ATP11A: variants seen among roughly 807,000 people sequenced by gnomAD.
ATP11A encodes ATPase phospholipid transporting 11A, also known as phospholipid-transporting ATPase IH.
In ATP11A, 81 loss-of-function variants were observed where a neutral mutation model predicts 154.4. The ratio of observed to expected loss-of-function variants is 0.52; its 90% CI spans 0.44 to 0.63. The LOEUF is 0.63. ATP11A is among the 30% of genes least tolerant of loss of function. The pLI, the probability that ATP11A is intolerant of heterozygous loss-of-function variation, is 0.00. For missense variants in ATP11A, 1,316 were observed against 1,474.3 expected, an observed-to-expected ratio of 0.89 and a Z score of 1.76; for synonymous variants, 623 against 585.9, an observed-to-expected ratio of 1.06 and a Z score of -0.91.
chr13:112,808,046 G>A (rs75214066), intron 4 of ATP11A, among the ~76,000 whole-genome samples: 10,406 of 152,182 alleles, frequency 0.068, 598 homozygotes, highest in African/African-American at 0.15. Context: ...AGAGCGTGGA[G>A]TAGGGAGGGC....
intron 1 of ATP11A, among the ~76,000 whole-genome samples, chr13:112,764,470 C>A (rs943193232): frequency 6.6e-6 from 1 of 152,174 alleles, no homozygotes; most frequent in Non-Finnish European, 1.5e-5. Context: ...TAGAAGACCT[C>A]CTGATGATGA....
chr13:112,764,072 TG>T (rs527463552), intron 1 of ATP11A, among the ~76,000 whole-genome samples: 253 of 152,356 alleles, frequency 1.7e-3, no homozygotes, highest in Admixed American at 3.9e-3. Flanking sequence ...ATGTTTTGTT[TG>T]GAGTGTTACC....
intron 17 of ATP11A, among the ~76,000 whole-genome samples, chr13:112,842,691 C>T (rs1476633134): frequency 2.6e-5 from 4 of 152,228 alleles, no homozygotes; most frequent in African/African-American, 9.6e-5. Flanking sequence ...AGAATTAGCA[C>T]GTTTGTGGTT....
chr13:112,752,462 T>TACCCCTGTGCCTGGTGGGC (rs2076716937), intron 1 of ATP11A, among the ~76,000 whole-genome samples: 1 of 151,852 alleles, frequency 6.6e-6, no homozygotes, highest in South Asian at 2.1e-4. Context: ...GTGGAGCGGG[T>TACCCCTGTGCCTGGTGGGC]ACCCCTGTGC....
chr13:112,832,324 T>C (rs2079117047), intron 13 of ATP11A, among the ~76,000 whole-genome samples: 1 of 152,238 alleles, frequency 6.6e-6, no homozygotes, highest in Non-Finnish European at 1.5e-5. Context: ...AAACGCTGAT[T>C]CTGCAGCTGC....
intron 2 of ATP11A, among the ~76,000 whole-genome samples, chr13:112,796,460 G>A (rs975581177): frequency 1.3e-5 from 2 of 152,330 alleles, no homozygotes; most frequent in Non-Finnish European, 2.9e-5. Flanking sequence ...CAGACTGTCC[G>A]AGCTACGACT....
chr13:112,765,746 G>A (rs749920484), intron 1 of ATP11A, among the ~76,000 whole-genome samples: 2 of 152,356 alleles, frequency 1.3e-5, no homozygotes, highest in Admixed American at 6.5e-5. Context: ...CTCTGAGAAC[G>A]AAAGCTCTGA....
intron 28 of ATP11A, 79 bp from the exon 29 acceptor site, chr13:112,878,138 G>C: frequency 7.5e-7 from 1 of 1,334,176 alleles, no homozygotes; most frequent in African/African-American, 1.4e-5. Context: ...ATTTCCTTCC[G>C]TCTTCCGACC....
intron 1 of ATP11A, chr13:112,703,273 T>G (rs1194392075): frequency 6.6e-6 from 1 of 152,210 alleles, no homozygotes; most frequent in Non-Finnish European, 1.5e-5. Context: ...GAGAACTCTC[T>G]CTCTTCCTCC....
Position 112,885,812 on chromosome 13 carries a change from A to G in ATP11A, c.*3946A>G, listed in dbSNP as rs907684992. The G allele has an allele frequency of 1.3e-5, 2 of 152,274 alleles. No homozygotes were observed. Among genetic ancestry groups the G allele is most frequent in the African/African-American group, 4.8e-5 (2 of 41,464 alleles). The allele number at this position is 152,274 out of a possible 1,614,324, so 9.4% of individuals were successfully genotyped here. ...AGATGGGCTCCCTGGCCCCCAGCCCATGCCTCCCTGGGATGAAGAGTCCCC... is the reference window on the plus strand; with the variant it reads ...AGATGGGCTCCCTGGCCCCCAGCCCGTGCCTCCCTGGGATGAAGAGTCCCC... On this transcript the variant is annotated 3_prime_UTR_variant, in exon 30 of 30. Coordinates refer to ENST00000375645, the MANE Select transcript of ATP11A (RefSeq NM_015205.3).
chr13:112,875,025 G>A lies in ATP11A; in HGVS notation c.3162-751G>A, dbSNP rs565056009. The stretch of plus-strand genomic sequence containing the variant: ...CACCATGTCACCACCGCTTGGTGAT[G>A]AGACCCCATCCTCCTGCCCGCCACC... On this transcript the variant is annotated intron_variant, in intron 27 of 29. Coordinates refer to ENST00000375645, the MANE Select transcript of ATP11A (RefSeq NM_015205.3). This position sits in a 1 kb window ranked among gnomAD's most constrained non-coding sequence, Gnocchi z 4.1. Among the ~76,000 whole-genome samples, 47 of 152,294 alleles carry A rather than the reference G, an allele frequency of 3.1e-4. No individual in the cohort carries two copies. The highest frequency in any genetic ancestry group is 3.4e-3 in the Middle Eastern group (1 of 294).
chr13:112,698,019 C>G (rs1230013757), intron 1 of ATP11A, among the ~76,000 whole-genome samples: 4 of 152,198 alleles, frequency 2.6e-5, no homozygotes, highest in Non-Finnish European at 5.9e-5. Context: ...GGAGCCCCTG[C>G]CCCTGCTAAA....
chr13:112,739,681 GTTC>G (rs759247192), intron 1 of ATP11A, among the ~76,000 whole-genome samples: 3 of 152,242 alleles, frequency 2.0e-5, no homozygotes, highest in Non-Finnish European at 4.4e-5. Context: ...ATGTTCTTGT[GTTC>G]TTGGCAGCAT....
chr13:112,759,534 T>G (rs2076918751), intron 1 of ATP11A, among the ~76,000 whole-genome samples: 1 of 152,246 alleles, frequency 6.6e-6, no homozygotes, highest in African/African-American at 2.4e-5. Context: ...AGTTTTACAT[T>G]AACAGTTCAT....
chr13:112,882,120 G>T lies in ATP11A; in HGVS notation c.*254G>T. The stretch of plus-strand genomic sequence containing the variant: ...ACGTGCCTCTTCCTGGCCCCCAGCA[G>T]GCAAGGAGGGGGGTCACAGGCCTTG... On this transcript the variant is annotated 3_prime_UTR_variant, in exon 30 of 30. Coordinates refer to ENST00000375645, the MANE Select transcript of ATP11A (RefSeq NM_015205.3). This position sits in a 1 kb window ranked among gnomAD's most constrained non-coding sequence, Gnocchi z 5.1. 1 of 1,336,498 alleles carries T rather than the reference G, an allele frequency of 7.5e-7. No homozygotes were observed. 82.8% of individuals were successfully genotyped at this position (1,336,498 alleles called of 1,614,324 possible).
intron 13 of ATP11A, among the ~76,000 whole-genome samples, chr13:112,832,117 C>A (rs1291908277): frequency 2.0e-5 from 3 of 152,122 alleles, no homozygotes; most frequent in Non-Finnish European, 2.9e-5. Context: ...CGTGTGCACG[C>A]ACAGACACAT....
rs528087588 is a variant in ATP11A at position 112,731,183 on chromosome 13, C to T, written c.39+40728C>T. 9.2e-5 allele frequency among the ~76,000 whole-genome samples: 14 copies of T among 151,368 alleles called. 1 individual carries two copies. In the South Asian group the frequency reaches 2.9e-3, roughly 31 times the overall value. On this transcript the variant is annotated intron_variant, in intron 1 of 29. Transcript: ENST00000375645. ...CTCCTGACCTCCAGTGATCCACCCT[C>T]CTCAGCCTCCAAAATGCTCCAGTGA...
intron 28 of ATP11A, among the ~76,000 whole-genome samples, chr13:112,876,301 G>A (rs535405237): frequency 8.5e-5 from 13 of 152,124 alleles, no homozygotes; most frequent in Admixed American, 5.2e-4. Flanking sequence ...GGCTGGAAAC[G>A]GTAGCATCTG....
intron 1 of ATP11A, among the ~76,000 whole-genome samples, chr13:112,776,506 G>A (rs928572453): frequency 1.3e-5 from 2 of 152,234 alleles, no homozygotes; most frequent in Non-Finnish European, 2.9e-5. Context: ...GATCGGGTGT[G>A]AGTTTGCACG....
Sources: allele counts gnomAD v4.1 joint callset (sites outside exome capture counted in the v4.1 genomes callset), GRCh38; gene constraint gnomAD v4.1.1; non-coding constraint Gnocchi (gnomAD v3.1); transcripts MANE v1.5; gene names NCBI Gene and HGNC (gene_info 2026-07-23, HGNC 2026-07-21).